The following ZSCAN18 variants were observed in gnomAD, a reference collection of about 807,000 sequenced individuals.
ZSCAN18 encodes zinc finger and SCAN domain containing 18, also known as zinc finger and SCAN domain-containing protein 18.
ZSCAN18 carries 16 observed loss-of-function variants against 31.1 expected under a neutral mutation model. The observed-to-expected ratio is 0.51, with a 90% CI of 0.35 to 0.78. The LOEUF is 0.78. Among genes scored for constraint, ZSCAN18 ranks in the 30% least tolerant of loss-of-function variants. ZSCAN18 has a pLI of 0.01. For missense variants in ZSCAN18, 731 were observed against 697.4 expected (o/e 1.05, Z -0.54); for synonymous variants, 375 against 320.7 (o/e 1.17, Z -1.81).
intron 1 of ZSCAN18, among the ~76,000 whole-genome samples, chr19:58,107,176 T>C (rs2146023126): frequency 6.6e-6 from 1 of 152,318 alleles, no homozygotes; most frequent in South Asian, 2.1e-4. Flanking sequence ...CATCTCCCTG[T>C]ACATCTTCAT....
chr19:58,110,827 A>G (rs756572848), intron 1 of ZSCAN18, among the ~76,000 whole-genome samples: 5 of 152,196 alleles, frequency 3.3e-5, no homozygotes, highest in Non-Finnish European at 7.3e-5. Context: ...GAGTGTTCAT[A>G]TGTGTATGCA....
chr19:58,101,516 CTTCT>C (rs1276424995), upstream of ZSCAN18, among the ~76,000 whole-genome samples: 497 of 129,892 alleles, frequency 3.8e-3, 4 homozygotes, highest in African/African-American at 0.014. Context: ...ACTTTATCTT[CTTCT>C]TTTTTTTTTT....
chr19:58,084,474 G>T lies in ZSCAN18; in HGVS notation c.*211C>A. The T allele has an allele frequency of 6.3e-6, 3 of 474,090 alleles. No individual in the cohort carries two copies. Among genetic ancestry groups the T allele is most frequent in the Non-Finnish European group, 1.1e-5 (3 of 279,630 alleles). 29.4% of individuals were successfully genotyped at this position (474,090 alleles called of 1,614,324 possible). Reference sequence around the variant, plus strand: ...CCGGCGGCTCCCCTCGGATGCGAGCGCTGGCCCAGGGTGTGTTTACAGAGG... The same window carrying T: ...CCGGCGGCTCCCCTCGGATGCGAGCTCTGGCCCAGGGTGTGTTTACAGAGG... On this transcript the variant is annotated 3_prime_UTR_variant, in exon 7 of 7. Coordinates refer to ENST00000601144, the MANE Select transcript of ZSCAN18 (RefSeq NM_001145543.2). This position sits in a 1 kb window ranked among gnomAD's most constrained non-coding sequence, Gnocchi z 4.5.
intron 1 of ZSCAN18, among the ~76,000 whole-genome samples, chr19:58,110,828 T>C (rs1310663556): frequency 6.6e-6 from 1 of 152,238 alleles, no homozygotes; most frequent in African/African-American, 2.4e-5. Flanking sequence ...AGTGTTCATA[T>C]GTGTATGCAC....
intron 3 of ZSCAN18, 75 bp from the exon 4 acceptor site, chr19:58,087,479 C>T: frequency 5.2e-6 from 7 of 1,336,326 alleles, no homozygotes; most frequent in Admixed American, 2.0e-5. Flanking sequence ...AAGGAGCCCC[C>T]GCTGCCTCCC....
rs1328980048 is a variant in ZSCAN18 at position 58,090,873 on chromosome 19, A to G, written c.-119-487T>C. Among the ~76,000 whole-genome samples the G allele has an allele frequency of 6.6e-6, 1 of 151,664 alleles. No homozygotes were observed. The highest frequency in any genetic ancestry group is 2.1e-4 in the South Asian group (1 of 4,796). ...CCAAAGTGCTGGGATTACAGGTGTG[A>G]GCCACTGCGCCCAGCATCATTACCA... On this transcript the variant is annotated intron_variant, in intron 1 of 6. Transcript: ENST00000601144. The surrounding 1 kb of genome is among the most constrained non-coding windows in gnomAD (Gnocchi z 4.7).
At chr19:58,097,992 C>T in intron 1 of ZSCAN18, 182 bp downstream of exon 1, 2 of 985,826 alleles carry the variant, frequency 2.0e-6, no homozygotes, top group South Asian at 4.7e-5. Context: ...CGGCCCCTGC[C>T]CCGCACTCCA....
At chr19:58,113,549 A>G (rs995271751) in intron 1 of ZSCAN18, among the ~76,000 whole-genome samples, 1 of 152,144 alleles carries the variant, frequency 6.6e-6, no homozygotes, top group African/African-American at 2.4e-5. Context: ...TTCATCTTGT[A>G]GCCACCTTAT....
upstream of ZSCAN18, chr19:58,098,298 T>C: frequency 1.0e-6 from 1 of 985,456 alleles, no homozygotes; most frequent in Non-Finnish European, 1.2e-6. Flanking sequence ...GCCGCGAGGC[T>C]GTGCCGCGCA....
upstream of ZSCAN18, among the ~76,000 whole-genome samples, chr19:58,101,519 C>CT (rs59435037): frequency 6.6e-3 from 364 of 55,440 alleles, 1 homozygote; most frequent in East Asian, 0.068. Flanking sequence ...TTATCTTCTT[C>CT]TTTTTTTTTT....
intron 4 of ZSCAN18, 40 bp downstream of exon 4, chr19:58,087,276 G>A: frequency 6.4e-7 from 1 of 1,560,058 alleles, no homozygotes; most frequent in Middle Eastern, 1.7e-4. Context: ...CCTCTAAGCT[G>A]AGGCCAAGGC....
intron 1 of ZSCAN18, chr19:58,108,922 T>C (rs1445194308): frequency 9.6e-7 from 1 of 1,046,982 alleles, no homozygotes; most frequent in Non-Finnish European, 1.1e-6. Flanking sequence ...GTCATCATTT[T>C]CCTCAAGAAT....
In ZSCAN18 at chr19:58,086,925, G is replaced by A. The variant is rs749976332; in HGVS notation, c.726C>T (p.Tyr242=). Reference sequence around the variant, plus strand: ...TCTCACCCCACAGGAGCAGCTTCCGGTAGCTCTTCAGGTTCTCCTCGGCAG... The same window carrying A: ...TCTCACCCCACAGGAGCAGCTTCCGATAGCTCTTCAGGTTCTCCTCGGCAG... The part of the protein sequence containing the change: ...LDPAEENLKS[Y]RKLLLWGYQL... Residue 242 remains tyrosine (Y), a synonymous_variant, in exon 5 of 7, where the codon TAC becomes TAT. Transcript: ENST00000601144. The A allele has an allele frequency of 6.2e-7, 1 of 1,613,794 alleles. No homozygotes were observed. Among genetic ancestry groups the A allele is most frequent in the South Asian group, 1.1e-5 (1 of 91,080 alleles).
chr19:58,107,933 C>G, intron 1 of ZSCAN18: 1 of 1,075,502 alleles, frequency 9.3e-7, no homozygotes, highest in Non-Finnish European at 1.1e-6. Context: ...CGTAGGGCTT[C>G]TCACCAGTAT....
At chr19:58,113,980 A>G (rs781392807) in intron 1 of ZSCAN18, among the ~76,000 whole-genome samples, 23 of 151,806 alleles carry the variant, frequency 1.5e-4, no homozygotes, top group Non-Finnish European at 3.1e-4. Context: ...CAGCTCAAAA[A>G]ATAATAAGGC....
Position 58,087,006 on chromosome 19 carries a change from C to T in ZSCAN18, c.645G>A (p.Lys215=), listed in dbSNP as rs1258221521. 2 of 1,612,948 alleles carry T rather than the reference C, an allele frequency of 1.2e-6. No individual in the cohort carries two copies. The highest frequency in any genetic ancestry group is 1.7e-6 in the Non-Finnish European group (2 of 1,179,398). Reference sequence around the variant, plus strand: ...GAGGGTCCTCTGGAAAGGACTTCAGCTTCTGAAACATTAGTCGTGGCTGAG... The same window carrying T: ...GAGGGTCCTCTGGAAAGGACTTCAGTTTCTGAAACATTAGTCGTGGCTGAG... ...EEDGPANTEQ[K]LKSFPEDPQH... is the part of the protein sequence containing the mutation. Residue 215 remains lysine, a splice_region_variant and synonymous_variant, in exon 5 of 7, where the codon AAG becomes AAA. Coordinates refer to ENST00000601144, the MANE Select transcript of ZSCAN18 (RefSeq NM_001145543.2).
Position 58,085,162 on chromosome 19 carries a change from CT to C in ZSCAN18, c.1055del (p.Gln352ArgfsTer77). On this transcript the variant is annotated frameshift_variant, in exon 7 of 7. Coordinates refer to ENST00000601144, the MANE Select transcript of ZSCAN18 (RefSeq NM_001145543.2). LOFTEE classifies it low-confidence loss of function (END_TRUNC). ...CCGGGGCAGGCTGCTGGATGACGGA[CT>C]GCCTCTGCGATCCGGTGGCAGAGTC... ...ESDSATGSQRQSVIQQPAPDR... is the reference protein window; with the variant it reads ...ESDSATGSQRXSVIQQPAPDR... 1 of 1,610,926 alleles carries C rather than the reference CT, an allele frequency of 6.2e-7. No homozygotes were observed.
At chr19:58,094,260 A>T (rs1005208347) in intron 1 of ZSCAN18, among the ~76,000 whole-genome samples, 9 of 151,442 alleles carry the variant, frequency 5.9e-5, no homozygotes, top group Non-Finnish European at 1.2e-4. Context: ...AAATAATAAT[A>T]ATTAGCCAGG....
chr19:58,098,288 G>T (rs1442010943), upstream of ZSCAN18: 4 of 985,330 alleles, frequency 4.1e-6, no homozygotes, highest in South Asian at 4.7e-5. Flanking sequence ...CTCCCACAAT[G>T]CCGCGAGGCT....
Sources: gnomAD v4.1 joint callset for allele counts (sites outside exome capture counted in the v4.1 genomes callset) on GRCh38, gnomAD v4.1.1 for gene constraint, Gnocchi (gnomAD v3.1) non-coding constraint, MANE v1.5 for transcripts, NCBI Gene and HGNC (gene_info 2026-07-23, HGNC 2026-07-21) for gene names.